TLN1: variants seen among roughly 807,000 people sequenced by gnomAD.
The protein encoded by TLN1 is talin 1.
Under a neutral mutation model 292.3 loss-of-function variants are expected in TLN1, and 56 were observed. That is an observed-to-expected ratio of 0.19 (90% confidence interval 0.15 to 0.24). The LOEUF is 0.24. Ranked by LOEUF, TLN1 falls within the 10% of genes least tolerant of loss-of-function variation. TLN1 has a pLI of 1.00. For synonymous variants in TLN1, 1,119 were observed against 1,253.7 expected (o/e 0.89, Z 2.27); for missense variants, 2,433 against 3,248.2 (o/e 0.75, Z 6.10).
chr9:35,712,047 C>T lies in TLN1; in HGVS notation c.3639G>A (p.Leu1213=). 1 of 1,614,142 alleles carries T rather than the reference C, an allele frequency of 6.2e-7. No individual in the cohort carries two copies. The highest frequency in any genetic ancestry group is 8.5e-7 in the Non-Finnish European group (1 of 1,180,034). ...GCTTGCTGGCATCTCCAACTGCCCTCAGGGCATTATCCACATCGCGCTGGC... is the reference window on the plus strand; with the variant it reads ...GCTTGCTGGCATCTCCAACTGCCCTTAGGGCATTATCCACATCGCGCTGGC... ...LPGQRDVDNA[L]RAVGDASKRL... is the part of the protein sequence containing the mutation. The change falls in exon 28 of 57, where the codon CTG becomes CTA. Residue 1213 remains leucine, a synonymous_variant. Transcript: ENST00000314888.
At chr9:35,715,234 T>A (rs781313004) in intron 20 of TLN1, 47 bp from the exon 21 acceptor site, 3 of 1,595,810 alleles carry the variant, frequency 1.9e-6, no homozygotes, top group Non-Finnish European at 2.6e-6. Context: ...CTCCTGTGGA[T>A]CCTAAAGAAG....
intron 27 of TLN1, 122 bp from the exon 28 acceptor site, chr9:35,712,246 T>C: frequency 7.5e-7 from 1 of 1,337,154 alleles, no homozygotes. Context: ...AAAGGGGGCG[T>C]TGTAGGTGAA....
Position 35,714,692 on chromosome 9 carries a change from A to G in TLN1, c.2872-5T>C. On this transcript the variant is annotated splice_region_variant and splice_polypyrimidine_tract_variant and intron_variant, in intron 22 of 56. Coordinates refer to ENST00000314888, the MANE Select transcript of TLN1 (RefSeq NM_006289.4). This position sits in a 1 kb window ranked among gnomAD's most constrained non-coding sequence, Gnocchi z 4.6. ...TGGAATCTGCTCTGCCACTGCCTGT[A>G]GGTGAAAATGTCATAAGAGACCCAC... 6.2e-7 allele frequency: 1 copy of G among 1,614,100 alleles called. No individual in the cohort carries two copies. The highest frequency in any genetic ancestry group is 8.5e-7 in the Non-Finnish European group (1 of 1,179,966).
chr9:35,717,038 G>A lies in TLN1; in HGVS notation c.2458+108C>T. The A allele has an allele frequency of 1.5e-6, 2 of 1,302,548 alleles. No individual in the cohort carries two copies. The highest frequency in any genetic ancestry group is 2.1e-6 in the Non-Finnish European group (2 of 951,824). The allele number at this position is 1,302,548 out of a possible 1,614,324, so 80.7% of individuals were successfully genotyped here. On this transcript the variant is annotated intron_variant, in intron 19 of 56. Coordinates refer to ENST00000314888, the MANE Select transcript of TLN1 (RefSeq NM_006289.4). This position sits in a 1 kb window ranked among gnomAD's most constrained non-coding sequence, Gnocchi z 4.7. Reference sequence around the variant, plus strand: ...GTTGTGTGGCTGGCAAGCCCACACTGTGCTGAGTTCCTTGGGGTGAAGTGG... The same window carrying A: ...GTTGTGTGGCTGGCAAGCCCACACTATGCTGAGTTCCTTGGGGTGAAGTGG...
Position 35,704,689 on chromosome 9 carries a change from C to G in TLN1, c.5860G>C (p.Ala1954Pro). 1 of 1,614,130 alleles carries G rather than the reference C, an allele frequency of 6.2e-7. No individual in the cohort carries two copies. ...GTCACCTTCTCAGAGACTCTCCGGGCACACTCTATGAGCTCCTTCTTGGTG... is the reference window on the plus strand; with the variant it reads ...GTCACCTTCTCAGAGACTCTCCGGGGACACTCTATGAGCTCCTTCTTGGTG... The part of the protein sequence containing the change: ...AYTKKELIEC[A>P]RRVSEKVSHV... The change falls in exon 44 of 57, where the codon GCC (alanine) becomes CCC (proline). Residue 1954 changes from alanine (A) to proline (P), a missense_variant. Ala to Pro is a conservative substitution (Grantham distance 27). Around this residue, in one of 7 missense-constraint regions of TLN1, gnomAD observed 1,384 missense variants for 1,699.6 expected, o/e 0.81. Transcript: ENST00000314888. This position sits in a 1 kb window ranked among gnomAD's most constrained non-coding sequence, Gnocchi z 6.9.
At position 35,724,267 on chromosome 9, in the gene TLN1, C is replaced by A; in HGVS notation, c.579G>T (p.Leu193=). Residue 193 remains leucine (L), a synonymous_variant, in exon 6 of 57, where the codon CTG becomes CTT. Transcript: ENST00000314888. This position sits in a 1 kb window ranked among gnomAD's most constrained non-coding sequence, Gnocchi z 4.7. ...GGTCTGAGTAAAAGAACTTCCTCCGCAGCAGCAGCGTCTCGTGCTCCTCTA... is the reference window on the plus strand; with the variant it reads ...GGTCTGAGTAAAAGAACTTCCTCCGAAGCAGCAGCGTCTCGTGCTCCTCTA... ...QGVEEHETLL[L]RRKFFYSDQN... is the part of the protein sequence containing the mutation. 1 of 1,614,210 alleles carries A rather than the reference C, an allele frequency of 6.2e-7. No individual in the cohort carries two copies. Among genetic ancestry groups the A allele is most frequent in the Non-Finnish European group, 8.5e-7 (1 of 1,180,040 alleles).
rs1459712722 is a variant in TLN1, at chr9:35,706,235, C to T, written c.5322G>A (p.Gln1774=). The change falls in exon 40 of 57, where the codon CAG becomes CAA. Residue 1774 remains glutamine (Q), a synonymous_variant. Transcript: ENST00000314888. The surrounding 1 kb of genome is among the most constrained non-coding windows in gnomAD (Gnocchi z 4.2). ...CAGCCTCCTTGGCAGTGTATAGCAA[C>T]TGCAGGGCAGACTCTGCCAATGTTT... ...QTKTLAESAL[Q]LLYTAKEAGG... The T allele has an allele frequency of 2.0e-5, 33 of 1,611,696 alleles. No homozygotes were observed. Among genetic ancestry groups the T allele is most frequent in the Non-Finnish European group, 2.6e-5 (31 of 1,178,776 alleles).
chr9:35,698,161 GTTGCC>G lies in TLN1; in HGVS notation c.7378_7382del (p.Gly2460ArgfsTer8). On this transcript the variant is annotated frameshift_variant, in exon 56 of 57. Transcript: ENST00000314888. LOFTEE classifies it high-confidence loss of function. This position sits in a 1 kb window ranked among gnomAD's most constrained non-coding sequence, Gnocchi z 5.3. ...GATTATCTGAGGCTCGCTTCACTGC[GTTGCC>G]AGCAGCCTGGGCAGAGAGAAAGTGG... is the stretch of plus-strand genomic sequence containing the variant. 1 of 1,613,904 alleles carries G rather than the reference GTTGCC, an allele frequency of 6.2e-7. No individual in the cohort carries two copies. Among genetic ancestry groups the G allele is most frequent in the Non-Finnish European group, 8.5e-7 (1 of 1,180,034 alleles).
Position 35,710,672 on chromosome 9 carries a change from C to G in TLN1, c.4215G>C (p.Glu1405Asp), listed in dbSNP as rs762916118. 6.2e-7 allele frequency: 1 copy of G among 1,614,198 alleles called. No homozygotes were observed. Among genetic ancestry groups the G allele is most frequent in the South Asian group, 1.1e-5 (1 of 91,078 alleles). The change falls in exon 33 of 57, where the codon GAG (glutamate) becomes GAC (aspartate). Residue 1405 changes from glutamate to aspartate, a missense_variant. Glu to Asp is a conservative substitution (Grantham distance 45, BLOSUM62 2). Coordinates refer to ENST00000314888, the MANE Select transcript of TLN1 (RefSeq NM_006289.4). ...SVMENSKVLG[E>D]AMTGISQNAK... ...CATTTTGGGAGATGCCAGTCATGGC[C>G]TCGCCCAGCACCTGAGGAACAGAGG...
Position 35,699,215 on chromosome 9 carries a change from A to T in TLN1, c.6875-59T>A. ...GCAGAGTGGGGAGGTCAAAAGCACC[A>T]GGGAGCATGGTTAGTATCATCAGGC... On this transcript the variant is annotated intron_variant, in intron 51 of 56. Transcript: ENST00000314888. This position sits in a 1 kb window ranked among gnomAD's most constrained non-coding sequence, Gnocchi z 4.0. 3 of 1,577,642 alleles carry T rather than the reference A, an allele frequency of 1.9e-6. No individual in the cohort carries two copies. The highest frequency in any genetic ancestry group is 1.1e-5 in the South Asian group (1 of 87,304).
At chr9:35,726,387 C>T (rs1436851627) in intron 1 of TLN1, among the ~76,000 whole-genome samples, 1 of 152,180 alleles carries the variant, frequency 6.6e-6, no homozygotes, top group Non-Finnish European at 1.5e-5. Flanking sequence ...TTTCTCAGCC[C>T]TACTCCTGCC....
Position 35,707,143 on chromosome 9 carries a change from CG to C in TLN1, c.4883del (p.Pro1628ArgfsTer20). ...AGTGGCCGGCCAGCACCGACCAGCT[CG>C]GGGGGTCCCGGGGATTGACTGCGAG... ...RALAVNPRDP[P>X]SWSVLAGHSR... is the part of the protein sequence containing the mutation. On this transcript the variant is annotated frameshift_variant, in exon 37 of 57. Coordinates refer to ENST00000314888, the MANE Select transcript of TLN1 (RefSeq NM_006289.4). LOFTEE classifies it high-confidence loss of function. This position sits in a 1 kb window ranked among gnomAD's most constrained non-coding sequence, Gnocchi z 5.6. 5 of 1,610,264 alleles carry C rather than the reference CG, an allele frequency of 3.1e-6. No homozygotes were observed. The highest frequency in any genetic ancestry group is 1.1e-5 in the South Asian group (1 of 90,896).
In TLN1 at chr9:35,722,864, G is replaced by A. The variant is rs777906241; in HGVS notation, c.840C>T (p.Phe280=). ...ACTTTCCCCTACCCACATTCACCTG[G>A]AAGATCTTACGCTCTCCCTTCTGCT... ...YVKQKGERKI[F]QAHKNCGQMS... Residue 280 remains phenylalanine (F), a synonymous_variant, in exon 8 of 57, where the codon TTC becomes TTT. Transcript: ENST00000314888. The A allele has an allele frequency of 3.1e-6, 5 of 1,613,746 alleles. No individual in the cohort carries two copies. In the Admixed American group the frequency reaches 8.3e-5, roughly 27 times the overall value.
rs1166692117 is a variant in TLN1, at chr9:35,711,000, G to A, written c.4102C>T (p.Arg1368Trp). The A allele has an allele frequency of 2.5e-6, 4 of 1,614,124 alleles. No individual in the cohort carries two copies. The highest frequency in any genetic ancestry group is 1.7e-5 in the Admixed American group (1 of 60,014). Residue 1368 changes from arginine to tryptophan, a missense_variant, in exon 31 of 57, where the codon CGG (arginine) becomes TGG (tryptophan). Arg to Trp is a moderately radical substitution (Grantham distance 101). Transcript: ENST00000314888. The part of the protein sequence containing the change: ...PGQKECDNAL[R>W]ELETVRELLE... ...TGCCATGTGTCTACCTCCAATTCCC[G>A]CAGGGCGTTATCACACTCCTTCTGG...
chr9:35,713,421 C>CA, intron 25 of TLN1, 123 bp from the exon 26 acceptor site: 1 of 713,192 alleles, frequency 1.4e-6, no homozygotes, highest in East Asian at 2.8e-5. Flanking sequence ...CGATGGCTCC[C>CA]ACCTATAATC....
At position 35,697,412 on chromosome 9, in the gene TLN1, G is replaced by C. The variant is rs1825384974; in HGVS notation, c.*379C>G. The C allele has an allele frequency of 4.4e-6, 1 of 228,858 alleles. No individual in the cohort carries two copies. The highest frequency in any genetic ancestry group is 8.6e-5 in the South Asian group (1 of 11,640). 14.2% of individuals were successfully genotyped at this position (228,858 alleles called of 1,614,324 possible). The stretch of plus-strand genomic sequence containing the variant: ...CTCTGCAGCCCCTATGGGTAGCTGG[G>C]GGTGGGGGAAGATAGTATCAAAAAA... On this transcript the variant is annotated 3_prime_UTR_variant, in exon 57 of 57. Transcript: ENST00000314888.
At chr9:35,700,135 C>T in intron 49 of TLN1, 54 bp from the exon 50 acceptor site, 2 of 1,592,892 alleles carry the variant, frequency 1.3e-6, no homozygotes, top group Non-Finnish European at 1.7e-6. Flanking sequence ...TACAGTTTCT[C>T]TCCCACTATG....
At position 35,719,714 on chromosome 9, in the gene TLN1, C is replaced by G. The variant is rs368488719; in HGVS notation, c.1578+26G>C. On this transcript the variant is annotated intron_variant, in intron 14 of 56. Transcript: ENST00000314888. The surrounding 1 kb of genome is among the most constrained non-coding windows in gnomAD (Gnocchi z 4.6). ...CTTGGAGTCTCAGCTTCAGTACCAC[C>G]GGCCTCTCCTCCATCCCATACTTAC... 6.2e-7 allele frequency: 1 copy of G among 1,609,484 alleles called. No individual in the cohort carries two copies. Among genetic ancestry groups the G allele is most frequent in the Non-Finnish European group, 8.5e-7 (1 of 1,177,004 alleles).
chr9:35,705,138 T>G (rs1210161707), intron 43 of TLN1, among the ~76,000 whole-genome samples: 1 of 152,136 alleles, frequency 6.6e-6, no homozygotes, highest in African/African-American at 2.4e-5. Flanking sequence ...TATGGGGTTA[T>G]GGAGGGTTTT....
Sources: gnomAD v4.1 joint callset for allele counts (sites outside exome capture counted in the v4.1 genomes callset) on GRCh38, gnomAD v4.1.1 for gene constraint, gnomAD v4.1.1 regional missense constraint, Gnocchi (gnomAD v3.1) non-coding constraint, MANE v1.5 for transcripts, NCBI Gene and HGNC (gene_info 2026-07-23, HGNC 2026-07-21) for gene names.